ARHGEF10: variants seen among roughly 807,000 people sequenced by gnomAD.
The protein encoded by ARHGEF10 is Rho guanine nucleotide exchange factor 10.
A neutral mutation model predicts 147.4 loss-of-function variants in ARHGEF10; 140 were observed. That is an observed-to-expected ratio of 0.95 (90% CI 0.83 to 1.09). The LOEUF is 1.09. Among genes scored for constraint, ARHGEF10 ranks in the 50% least tolerant of loss-of-function variants. The probability of loss-of-function intolerance (pLI) is 0.00; values close to 1 mark genes in which losing one functional copy is unlikely to be tolerated. For synonymous variants in ARHGEF10, 902 were observed against 695.8 expected (o/e 1.30, Z -4.67); for missense variants, 2,222 against 1,752.7 (o/e 1.27, Z -4.78).
intron 2 of ARHGEF10, among the ~76,000 whole-genome samples, chr8:1,849,457 C>CGTGG (rs1563172317): frequency 7.0e-6 from 1 of 142,148 alleles, no homozygotes; most frequent in African/African-American, 2.7e-5. Context: ...GGGGCGGCCA[C>CGTGG]ATGGACACAG....
At chr8:1,857,871 G>GATCA in intron 2 of ARHGEF10, 89 bp from the exon 3 acceptor site, 8 of 425,226 alleles carry the variant, frequency 1.9e-5, no homozygotes, top group South Asian at 1.4e-4. Flanking sequence ...GGCTAACATA[G>GATCA]ATCGATCGAT....
intron 11 of ARHGEF10, among the ~76,000 whole-genome samples, chr8:1,892,316 TGTG>T (rs1290108379): frequency 6.6e-6 from 1 of 150,494 alleles, no homozygotes; most frequent in African/African-American, 2.4e-5. Flanking sequence ...TGTGTGTGTG[TGTG>T]TGTGTGTGTT....
chr8:1,938,361 T>A (rs1813793588), intron 26 of ARHGEF10, among the ~76,000 whole-genome samples: 1 of 152,170 alleles, frequency 6.6e-6, no homozygotes, highest in African/African-American at 2.4e-5. Context: ...CTAGTTTCAG[T>A]GGAATGACTA....
At chr8:1,913,688 G>GT (rs1159851357) in intron 18 of ARHGEF10, among the ~76,000 whole-genome samples, 1 of 152,178 alleles carries the variant, frequency 6.6e-6, no homozygotes, top group Non-Finnish European at 1.5e-5. Flanking sequence ...GCCTCCCTGT[G>GT]TGTTCTCAGA....
intron 7 of ARHGEF10, among the ~76,000 whole-genome samples, chr8:1,875,321 G>A (rs1340377132): frequency 1.3e-5 from 2 of 152,086 alleles, no homozygotes; most frequent in African/African-American, 4.8e-5. Context: ...GAGCGTAGGG[G>A]TGCTTTTCTC....
chr8:1,841,589 G>A (rs1462904134), intron 1 of ARHGEF10, among the ~76,000 whole-genome samples: 5 of 152,060 alleles, frequency 3.3e-5, no homozygotes, highest in South Asian at 2.1e-4. Context: ...GGCTCCCTGG[G>A]GGCAGGGAGT....
intron 1 of ARHGEF10, among the ~76,000 whole-genome samples, chr8:1,840,712 C>T (rs142491132): frequency 1.5e-3 from 232 of 152,266 alleles, no homozygotes; most frequent in African/African-American, 5.2e-3. Context: ...CTCCCATGAG[C>T]GTCATTCCCT....
At position 1,904,793 on chromosome 8, in the gene ARHGEF10, G is replaced by C. The variant is rs115714596; in HGVS notation, c.1822-778G>C. ...ATCAAAAGACAGCACAGACCACCGG[G>C]GCTGAGGACTCTGTTTTTCTTGTGG... On this transcript the variant is annotated intron_variant, in intron 16 of 28. Coordinates refer to ENST00000349830, the MANE Select transcript of ARHGEF10 (RefSeq NM_014629.4). Among the ~76,000 whole-genome samples the C allele has an allele frequency of 7.8e-3, 1,192 of 151,992 alleles. 6 individuals carry two copies. Among genetic ancestry groups the C allele is most frequent in the Middle Eastern group, 0.024 (7 of 294 alleles).
In ARHGEF10 at chr8:1,937,133, T is replaced by G. The variant is rs1813681874; in HGVS notation, c.3222+3191T>G. ...AACAGAAAATAGCTGGACAGGGAGG[T>G]TGGGGTACATGTTAGATGATTTTTG... On this transcript the variant is annotated intron_variant, in intron 26 of 28. Transcript: ENST00000349830. The surrounding 1 kb of genome is among the most constrained non-coding windows in gnomAD (Gnocchi z 4.9). Among the ~76,000 whole-genome samples the G allele has an allele frequency of 6.6e-6, 1 of 151,810 alleles. No homozygotes were observed. Among genetic ancestry groups the G allele is most frequent in the African/African-American group, 2.4e-5 (1 of 41,290 alleles).
chr8:1,879,910 G>C, intron 8 of ARHGEF10, 138 bp from the exon 9 acceptor site: 2 of 755,708 alleles, frequency 2.6e-6, no homozygotes, highest in South Asian at 1.4e-5. Flanking sequence ...GGACTCTCGC[G>C]TGTGGTCCCA....
At chr8:1,899,991 T>G (rs1310128404) in intron 15 of ARHGEF10, among the ~76,000 whole-genome samples, 2 of 152,254 alleles carry the variant, frequency 1.3e-5, no homozygotes, top group South Asian at 2.1e-4. Flanking sequence ...AGTGAGTCCC[T>G]GGGTCGTTCT....
intron 26 of ARHGEF10, among the ~76,000 whole-genome samples, chr8:1,940,181 AC>A (rs1266784970): frequency 6.6e-6 from 1 of 152,180 alleles, no homozygotes; most frequent in Non-Finnish European, 1.5e-5. Context: ...CTATAGTCAC[AC>A]CAGAGTTCTG....
chr8:1,876,438 G>C, intron 7 of ARHGEF10, 133 bp from the exon 8 acceptor site: 2 of 968,150 alleles, frequency 2.1e-6, no homozygotes, highest in Non-Finnish European at 3.3e-6. Context: ...CCGGGGCTCC[G>C]CAGGGTCCTC....
intron 27 of ARHGEF10, among the ~76,000 whole-genome samples, chr8:1,946,843 C>T (rs1384953274): frequency 6.6e-6 from 1 of 152,180 alleles, no homozygotes; most frequent in Non-Finnish European, 1.5e-5. Flanking sequence ...CGTGTCCCCG[C>T]CGCACTCCCA....
intron 2 of ARHGEF10, among the ~76,000 whole-genome samples, chr8:1,856,891 G>A (rs989411387): frequency 3.9e-5 from 6 of 152,168 alleles, no homozygotes; most frequent in South Asian, 2.1e-4. Context: ...GGTTCCTCTC[G>A]CTCCTGGGTG....
Position 1,923,781 on chromosome 8 carries a change from C to T in ARHGEF10, c.2395C>T (p.Arg799Ter), listed in dbSNP as rs1297695311. Residue 799 changes from arginine (R) to a stop codon, truncating the protein, a stop_gained, in exon 21 of 29, where the codon CGA becomes TGA. Coordinates refer to ENST00000349830, the MANE Select transcript of ARHGEF10 (RefSeq NM_014629.4). LOFTEE classifies it high-confidence loss of function. ...QLPGKQDKSG[R>*]PTFFTAVFNT... ...GTCTGTTGTTTCTGGCAGATCTGGG[C>T]GACCGACGTTCTTTACAGCTGTGTT... 8.7e-6 allele frequency: 14 copies of T among 1,613,970 alleles called. No homozygotes were observed. Among genetic ancestry groups the T allele is most frequent in the East Asian group, 2.2e-5 (1 of 44,892 alleles).
At position 1,928,509 on chromosome 8, in the gene ARHGEF10, A is replaced by C. The variant is rs370332891; in HGVS notation, c.2780A>C (p.Asn927Thr). Residue 927 changes from asparagine (N) to threonine (T), a missense_variant, in exon 24 of 29, where the codon AAC becomes ACC. Physicochemically the swap from Asn to Thr is moderately conservative, Grantham distance 65. Coordinates refer to ENST00000349830, the MANE Select transcript of ARHGEF10 (RefSeq NM_014629.4). ...ACTCCCAAAGTCATTGAGTGCTTCA[A>C]CGTGGAATCTCGCATCCTGTGCATG... is the stretch of plus-strand genomic sequence containing the variant. Reference protein sequence around the residue: ...NSTPKVIECFNVESRILCMLY... With the variant: ...NSTPKVIECFTVESRILCMLY... 4 of 1,614,186 alleles carry C rather than the reference A, an allele frequency of 2.5e-6. No individual in the cohort carries two copies. Among genetic ancestry groups the C allele is most frequent in the Admixed American group, 1.7e-5 (1 of 60,024 alleles).
At chr8:1,832,288 C>T (rs1178747271) in intron 1 of ARHGEF10, among the ~76,000 whole-genome samples, 1 of 152,018 alleles carries the variant, frequency 6.6e-6, no homozygotes, top group African/African-American at 2.4e-5. Context: ...CATGTGCAGC[C>T]GCCCTTGCTG....
At chr8:1,910,290 C>G (rs997599281) in intron 18 of ARHGEF10, among the ~76,000 whole-genome samples, 2 of 152,146 alleles carry the variant, frequency 1.3e-5, no homozygotes, top group Non-Finnish European at 2.9e-5. Context: ...GAACGTTTAA[C>G]CTTTTCTGAT....
Sources: gnomAD v4.1 joint callset for allele counts (sites outside exome capture counted in the v4.1 genomes callset) on GRCh38, gnomAD v4.1.1 for gene constraint, Gnocchi (gnomAD v3.1) non-coding constraint, MANE v1.5 for transcripts, NCBI Gene and HGNC (gene_info 2026-07-23, HGNC 2026-07-21) for gene names.